The following PNPT1 variants were observed in gnomAD, a reference collection of about 807,000 sequenced individuals.
The protein encoded by PNPT1 is polyribonucleotide nucleotidyltransferase 1, also known as polyribonucleotide nucleotidyltransferase 1, mitochondrial.
Under a neutral mutation model 119.5 loss-of-function variants are expected in PNPT1, and 53 were observed. The ratio of observed to expected loss-of-function variants is 0.44; its 90% CI spans 0.36 to 0.56. The LOEUF (loss-of-function observed/expected upper bound fraction) is 0.56, where lower values mean the gene tolerates loss of function less well. PNPT1 is among the 20% of genes least tolerant of loss of function. The pLI, the probability that PNPT1 is intolerant of heterozygous loss-of-function variation, is 0.00. For synonymous variants in PNPT1, 357 were observed against 322.1 expected (o/e 1.11, Z -1.16); for missense variants, 948 against 938.5 (o/e 1.01, Z -0.13).
chr2:55,655,724 A>T (rs1317426631), intron 17 of PNPT1, among the ~76,000 whole-genome samples: 1 of 152,048 alleles, frequency 6.6e-6, no homozygotes, highest in Non-Finnish European at 1.5e-5. Flanking sequence ...CCATGGACAA[A>T]TTTTTTATTT....
chr2:55,641,977 G>C (rs1448048967), intron 25 of PNPT1, among the ~76,000 whole-genome samples: 3 of 151,936 alleles, frequency 2.0e-5, no homozygotes, highest in Non-Finnish European at 4.4e-5. Flanking sequence ...GAGTAGCTGG[G>C]ATTACAGGCA....
In PNPT1 at chr2:55,680,715, C is replaced by G. The variant is rs1697221743; in HGVS notation, c.562G>C (p.Val188Leu). 5.0e-6 allele frequency: 8 copies of G among 1,610,778 alleles called. No homozygotes were observed. The highest frequency in any genetic ancestry group is 5.9e-6 in the Non-Finnish European group (7 of 1,178,614). ...TTACTTTTAAATCCTAACTTACCAA[C>G]AGGTCCATTCCAAGGAATATCTGAT... is the stretch of plus-strand genomic sequence containing the variant. ...SLSDIPWNGP[V>L]GAVRIGIIDG... Residue 188 changes from valine to leucine, a missense_variant, in exon 7 of 28, where the codon GTT becomes CTT. Physicochemically the swap from Val to Leu is conservative, Grantham distance 32 (BLOSUM62 1). Transcript: ENST00000447944.
At chr2:55,643,485 C>G in intron 23 of PNPT1, 60 bp from the exon 24 acceptor site, 1 of 1,438,260 alleles carries the variant, frequency 7.0e-7, no homozygotes, top group South Asian at 1.2e-5. Flanking sequence ...TGGGTCACAT[C>G]TGTAATCCCA....
Position 55,637,268 on chromosome 2 carries a change from C to T in PNPT1, c.2196+284G>A, listed in dbSNP as rs141410243. On this transcript the variant is annotated intron_variant, in intron 27 of 27. Coordinates refer to ENST00000447944, the MANE Select transcript of PNPT1 (RefSeq NM_033109.5). ...CCTTATCACAGTTCTTACGTCAGTG[C>T]CCAAATCATGGAGTCTGCATAGCTA... Among the ~76,000 whole-genome samples the T allele has an allele frequency of 8.6e-3, 1,315 of 152,318 alleles. 23 individuals carry two copies. The highest frequency in any genetic ancestry group is 0.03 in the African/African-American group (1,265 of 41,574).
chr2:55,662,023 G>T lies in PNPT1; in HGVS notation c.1180C>A (p.Leu394Ile), dbSNP rs1696594476. The T allele has an allele frequency of 6.4e-7, 1 of 1,562,554 alleles. No individual in the cohort carries two copies. Among genetic ancestry groups the T allele is most frequent in the Non-Finnish European group, 8.6e-7 (1 of 1,161,840 alleles). Residue 394 changes from leucine (L) to isoleucine (I), a missense_variant, in exon 14 of 28, where the codon CTT (leucine) becomes ATT (isoleucine). Physicochemically the swap from Leu to Ile is conservative, Grantham distance 5 (BLOSUM62 2). Coordinates refer to ENST00000447944, the MANE Select transcript of PNPT1 (RefSeq NM_033109.5). ...ALFQRGQTQV[L>I]CTVTFDSLES... The stretch of plus-strand genomic sequence containing the variant: ...AATGAATCAAATGTAACGGTACAAA[G>T]CACCTAAAAAAGAAAAAGAATTCCT...
At chr2:55,664,019 A>T (rs1696659966) in intron 13 of PNPT1, among the ~76,000 whole-genome samples, 1 of 152,200 alleles carries the variant, frequency 6.6e-6, no homozygotes, top group Non-Finnish European at 1.5e-5. Flanking sequence ...ATGATATTAA[A>T]GGAAGTCTTG....
At chr2:55,673,852 G>C (rs1696986411) in intron 8 of PNPT1, among the ~76,000 whole-genome samples, 1 of 152,088 alleles carries the variant, frequency 6.6e-6, no homozygotes, top group South Asian at 2.1e-4. Flanking sequence ...CTTCCAAAGT[G>C]CTGGGGATTA....
intron 27 of PNPT1, among the ~76,000 whole-genome samples, chr2:55,636,795 TA>T (rs1484193431): frequency 6.6e-6 from 1 of 152,174 alleles, no homozygotes; most frequent in African/African-American, 2.4e-5. Context: ...ACCAACACAT[TA>T]GTGTTTATTT....
intron 13 of PNPT1, among the ~76,000 whole-genome samples, chr2:55,662,681 GA>G (rs1696615602): frequency 6.6e-6 from 1 of 151,886 alleles, no homozygotes; most frequent in East Asian, 1.9e-4. Flanking sequence ...CTCAGAAAAA[GA>G]AGAAAAGAAA....
At position 55,679,777 on chromosome 2, in the gene PNPT1, A is replaced by G; in HGVS notation, c.584T>C (p.Ile195Thr). The G allele has an allele frequency of 6.2e-7, 1 of 1,608,274 alleles. No homozygotes were observed. Residue 195 changes from isoleucine to threonine, a missense_variant, in exon 8 of 28, where the codon ATA becomes ACA. Coordinates refer to ENST00000447944, the MANE Select transcript of PNPT1 (RefSeq NM_033109.5). ...NGPVGAVRIG[I>T]IDGEYVVNPT... is the part of the protein sequence containing the mutation. The stretch of plus-strand genomic sequence containing the variant: ...GTTAACAACATATTCTCCATCAATT[A>G]TTCCTATTCGTACTGCCCCTAAAAT...
Position 55,685,037 on chromosome 2 carries a change from T to C in PNPT1, c.309A>G (p.Arg103=), listed in dbSNP as rs1282608023. 6.3e-7 allele frequency: 1 copy of C among 1,589,182 alleles called. No individual in the cohort carries two copies. The highest frequency in any genetic ancestry group is 8.6e-7 in the Non-Finnish European group (1 of 1,162,706). Residue 103 remains arginine, a synonymous_variant, in exon 4 of 28, where the codon AGA becomes AGG. Coordinates refer to ENST00000447944, the MANE Select transcript of PNPT1 (RefSeq NM_033109.5). ...TTCTACCTGCTGCAGCAGCTTTTTG[T>C]CTGTAGTCAACCTGAAGCAGCAATA... is the stretch of plus-strand genomic sequence containing the variant. ...SQFMPLVVDY[R]QKAAAAGRIP... is the part of the protein sequence containing the mutation.
intron 1 of PNPT1, among the ~76,000 whole-genome samples, chr2:55,691,870 ATATATATATTTTTTTT>A (rs1279249919): frequency 1.1e-3 from 13 of 12,280 alleles, no homozygotes; most frequent in East Asian, 6.5e-3. Flanking sequence ...ATATATATAT[ATATATATATTTTTTTT>A]TTTTTTTTTT....
chr2:55,662,067 C>A, intron 13 of PNPT1, 41 bp from the exon 14 acceptor site: 1 of 1,455,786 alleles, frequency 6.9e-7, no homozygotes, highest in Non-Finnish European at 9.1e-7. Context: ...AATATACTAA[C>A]CACAAAGATG....
chr2:55,637,297 C>A (rs1030260963), intron 27 of PNPT1, among the ~76,000 whole-genome samples: 1 of 152,202 alleles, frequency 6.6e-6, no homozygotes, highest in African/African-American at 2.4e-5. Flanking sequence ...ATAGCTAACA[C>A]TAACATGCTC....
chr2:55,636,471 A>T, intron 27 of PNPT1, 79 bp from the exon 28 acceptor site: 1 of 1,430,618 alleles, frequency 7.0e-7, no homozygotes, highest in Non-Finnish European at 9.6e-7. Context: ...TTAAATTTAC[A>T]TGGTCCAAAT....
In PNPT1 at chr2:55,647,375, T is replaced by A; in HGVS notation, c.1574A>T (p.Glu525Val). The stretch of plus-strand genomic sequence containing the variant: ...AATATCTGTCAGCAAACGATAATCT[T>A]CTATTTCACCCTTCTCAGGATCGGT... The part of the protein sequence containing the change: ...TKTDPEKGEI[E>V]DYRLLTDILG... The change falls in exon 19 of 28, where the codon GAA becomes GTA. Residue 525 changes from glutamate (E) to valine (V), a missense_variant. Physicochemically the swap from Glu to Val is moderately radical, Grantham distance 121. Transcript: ENST00000447944. The A allele has an allele frequency of 6.2e-7, 1 of 1,609,096 alleles. No homozygotes were observed. Among genetic ancestry groups the A allele is most frequent in the South Asian group, 1.1e-5 (1 of 89,986 alleles).
intron 22 of PNPT1, 77 bp from the exon 23 acceptor site, chr2:55,644,797 ATT>A (rs71393504): frequency 8.2e-3 from 6,192 of 758,062 alleles, no homozygotes; most frequent in South Asian, 0.015. Context: ...GTCACTTGAG[ATT>A]TTTTTTTTTT....
Position 55,645,271 on chromosome 2 carries a change from G to A in PNPT1, c.1822+78C>T, listed in dbSNP as rs540969817. ...GATCTCCTGACCTTGTGATCCGCTC[G>A]CCTCGGCCTCCCAAAGTGCTGGGAT... On this transcript the variant is annotated intron_variant, in intron 22 of 27. Coordinates refer to ENST00000447944, the MANE Select transcript of PNPT1 (RefSeq NM_033109.5). 83 of 906,492 alleles carry A rather than the reference G, an allele frequency of 9.2e-5. No homozygotes were observed. In the African/African-American group the frequency reaches 1.0e-3, roughly 11 times the overall value. The allele number at this position is 906,492 out of a possible 1,614,324, so 56.2% of individuals were successfully genotyped here. A position where few individuals can be genotyped will look rare whatever the true frequency, so the allele number is the denominator to read the frequency against.
intron 27 of PNPT1, among the ~76,000 whole-genome samples, chr2:55,636,619 T>C (rs1367916485): frequency 6.6e-6 from 1 of 152,230 alleles, no homozygotes; most frequent in African/African-American, 2.4e-5. Context: ...AATCTGCCGC[T>C]GAACTCATCT....
Sources: allele counts gnomAD v4.1 joint callset (sites outside exome capture counted in the v4.1 genomes callset), GRCh38; gene constraint gnomAD v4.1.1; transcripts MANE v1.5; gene names NCBI Gene and HGNC (gene_info 2026-07-23, HGNC 2026-07-21).